The following LRBA variants were observed in gnomAD, a reference collection of about 807,000 sequenced individuals.
The protein encoded by LRBA is LPS responsive beige-like anchor protein.
A neutral mutation model predicts 330.0 loss-of-function variants in LRBA; 176 were observed. The observed-to-expected ratio is 0.53, with a 90% CI of 0.47 to 0.60. The LOEUF is 0.60. LRBA is among the 20% of genes least tolerant of loss of function. The probability of loss-of-function intolerance (pLI) is 0.00; values close to 1 mark genes in which losing one functional copy is unlikely to be tolerated. For synonymous variants in LRBA, 1,230 were observed against 1,193.0 expected (o/e 1.03, Z -0.64); for missense variants, 3,259 against 3,444.8 (o/e 0.95, Z 1.35).
At chr4:150,906,787 G>A (rs775447403) in intron 11 of LRBA, among the ~76,000 whole-genome samples, 5 of 152,084 alleles carry the variant, frequency 3.3e-5, no homozygotes, top group South Asian at 2.1e-4. Context: ...ACTTTGAAGC[G>A]TTAGGGGCCA....
rs376240055 is a variant in LRBA at position 150,801,653 on chromosome 4, G to C, written c.5519-3511C>G. Among the ~76,000 whole-genome samples the C allele has an allele frequency of 7.2e-5, 11 of 152,196 alleles. No homozygotes were observed. The East Asian group carries it at 1.5e-3, about 21-fold the overall frequency. On this transcript the variant is annotated intron_variant, in intron 33 of 56. Transcript: ENST00000651943. ...TCATCCCACAAGACGGAAGAACACC[G>C]CCACACGTCTTTTTAGAAAAATGGG...
chr4:150,660,733 C>T (rs2126821617), intron 37 of LRBA, among the ~76,000 whole-genome samples: 1 of 131,098 alleles, frequency 7.6e-6, no homozygotes, highest in African/African-American at 2.8e-5. Flanking sequence ...AAGAAAAATT[C>T]CTCTGTCTTG....
intron 40 of LRBA, among the ~76,000 whole-genome samples, chr4:150,537,185 C>A (rs566149981): frequency 6.6e-6 from 1 of 152,136 alleles, no homozygotes; most frequent in Non-Finnish European, 1.5e-5. Flanking sequence ...TGCACACCTA[C>A]AACAAAAGTT....
At chr4:150,636,699 G>T (rs543529393) in intron 37 of LRBA, among the ~76,000 whole-genome samples, 1 of 152,188 alleles carries the variant, frequency 6.6e-6, no homozygotes, top group African/African-American at 2.4e-5. Flanking sequence ...CCCAGCTGGA[G>T]TGCAGTGACA....
intron 35 of LRBA, among the ~76,000 whole-genome samples, chr4:150,759,206 G>A (rs935478152): frequency 6.6e-6 from 1 of 152,134 alleles, no homozygotes; most frequent in Non-Finnish European, 1.5e-5. Context: ...GTGAGCCACT[G>A]TGCCCATCCC....
rs192837485 is a variant in LRBA, at chr4:150,454,024, G to A, written c.6780+13649C>T. 4.2e-4 allele frequency among the ~76,000 whole-genome samples: 64 copies of A among 152,006 alleles called. 1 individual carries two copies. The highest frequency in any genetic ancestry group is 3.6e-3 in the Admixed American group (55 of 15,268). On this transcript the variant is annotated intron_variant, in intron 44 of 56. Coordinates refer to ENST00000651943, the MANE Select transcript of LRBA (RefSeq NM_001364905.1). ...TTACCGAGGCTGGAGGGCAGAGCAC[G>A]ATCTCCACTCACTGCAACCTCCAAC...
At chr4:150,311,586 C>G (rs1011625506) in intron 51 of LRBA, among the ~76,000 whole-genome samples, 2 of 152,186 alleles carry the variant, frequency 1.3e-5, no homozygotes, top group African/African-American at 4.8e-5. Flanking sequence ...ATGGCACACA[C>G]AACACGGCAC....
chr4:150,868,116 G>T (rs1463388200), intron 21 of LRBA, 66 bp downstream of exon 21: 21 of 1,479,252 alleles, frequency 1.4e-5, no homozygotes, highest in Non-Finnish European at 1.8e-5. Context: ...ATTTTTCTTA[G>T]ATAAAATGGG....
chr4:150,391,874 G>A (rs549699832), intron 47 of LRBA, among the ~76,000 whole-genome samples: 7 of 148,752 alleles, frequency 4.7e-5, no homozygotes, highest in African/African-American at 1.5e-4. Flanking sequence ...CCTTCTAACT[G>A]GTTTCCTTTC....
chr4:150,569,914 C>T (rs1259529796), intron 40 of LRBA, among the ~76,000 whole-genome samples: 2 of 152,088 alleles, frequency 1.3e-5, no homozygotes, highest in South Asian at 2.1e-4. Flanking sequence ...ACCATATTTG[C>T]TGCAGCTTCT....
At chr4:150,301,088 T>G (rs1729615009) in intron 53 of LRBA, among the ~76,000 whole-genome samples, 1 of 151,984 alleles carries the variant, frequency 6.6e-6, no homozygotes, top group South Asian at 2.1e-4. Context: ...TAGGTTTGCC[T>G]GAGATAATTG....
At chr4:150,676,531 T>G (rs1782574295) in intron 37 of LRBA, among the ~76,000 whole-genome samples, 1 of 152,170 alleles carries the variant, frequency 6.6e-6, no homozygotes, top group African/African-American at 2.4e-5. Context: ...ACGTCAAATA[T>G]CAGCTATTAT....
intron 40 of LRBA, among the ~76,000 whole-genome samples, chr4:150,568,951 C>T (rs1769500818): frequency 6.6e-6 from 1 of 152,038 alleles, no homozygotes; most frequent in Admixed American, 6.6e-5. Context: ...TTTTACCAGG[C>T]AATCCAAGAT....
intron 26 of LRBA, among the ~76,000 whole-genome samples, chr4:150,845,927 T>C (rs144397355): frequency 3.3e-5 from 5 of 152,356 alleles, no homozygotes; most frequent in Non-Finnish European, 7.3e-5. Context: ...CCTCATTTCC[T>C]GGTTTCAATC....
intron 36 of LRBA, among the ~76,000 whole-genome samples, chr4:150,687,008 A>T (rs993377155): frequency 6.6e-6 from 1 of 152,126 alleles, no homozygotes; most frequent in African/African-American, 2.4e-5. Context: ...CTGACATAAA[A>T]TCTATAGATA....
intron 35 of LRBA, among the ~76,000 whole-genome samples, chr4:150,743,096 T>C (rs1024874205): frequency 1.3e-5 from 2 of 152,098 alleles, no homozygotes; most frequent in Admixed American, 6.6e-5. Flanking sequence ...GCCTCCCAAG[T>C]AGCTGGAATT....
intron 47 of LRBA, among the ~76,000 whole-genome samples, chr4:150,375,914 C>CT (rs909291407): frequency 6.6e-6 from 1 of 152,124 alleles, no homozygotes; most frequent in African/African-American, 2.4e-5. Context: ...CATAAACCCT[C>CT]TATCTTCGAC....
intron 40 of LRBA, among the ~76,000 whole-genome samples, chr4:150,510,248 CA>C (rs1761674762): frequency 6.6e-6 from 1 of 152,036 alleles, no homozygotes; most frequent in Admixed American, 6.6e-5. Context: ...TAAATCTTCC[CA>C]AAAAGTAAAC....
intron 22 of LRBA, among the ~76,000 whole-genome samples, chr4:150,864,756 C>T (rs1280109199): frequency 1.3e-5 from 2 of 151,058 alleles, no homozygotes; most frequent in Non-Finnish European, 2.9e-5. Flanking sequence ...AGGCAATTCT[C>T]CTGCCTCAGT....
Sources: gnomAD v4.1 joint callset for allele counts (sites outside exome capture counted in the v4.1 genomes callset) on GRCh38, gnomAD v4.1.1 for gene constraint, MANE v1.5 for transcripts, NCBI Gene and HGNC (gene_info 2026-07-23, HGNC 2026-07-21) for gene names.